Variants in RIMKLB observed in about 807,000 individuals in gnomAD.
The protein encoded by RIMKLB is beta-citrylglutamate synthase B.
RIMKLB carries 7 observed loss-of-function variants against 32.0 expected under a neutral mutation model. That is an observed-to-expected ratio of 0.22 (90% CI 0.12 to 0.41). The LOEUF is 0.41. Ranked by LOEUF, RIMKLB falls within the 10% of genes least tolerant of loss-of-function variation. The pLI, the probability that RIMKLB is intolerant of heterozygous loss-of-function variation, is 1.00. For missense variants in RIMKLB, 289 were observed against 498.7 expected (o/e 0.58, Z 4.00); for synonymous variants, 172 against 185.1 (o/e 0.93, Z 0.57).
chr12:8,702,530 G>A (rs1293563817), intron 1 of RIMKLB, among the ~76,000 whole-genome samples: 2 of 151,948 alleles, frequency 1.3e-5, no homozygotes, highest in Admixed American at 6.6e-5. Context: ...TTGGCTTCAC[G>A]TTCCTATAAA....
intron 5 of RIMKLB, among the ~76,000 whole-genome samples, chr12:8,764,432 AG>A (rs1292999700): frequency 6.6e-6 from 1 of 152,198 alleles, no homozygotes; most frequent in African/African-American, 2.4e-5. Flanking sequence ...TAATTAGAAA[AG>A]CATGTGAAAA....
At chr12:8,702,643 A>G (rs1055299506) in intron 1 of RIMKLB, among the ~76,000 whole-genome samples, 2 of 152,220 alleles carry the variant, frequency 1.3e-5, no homozygotes, top group South Asian at 2.1e-4. Flanking sequence ...TGAATTTTTC[A>G]TACTTTATCA....
intron 2 of RIMKLB, among the ~76,000 whole-genome samples, chr12:8,745,480 C>T (rs1229281867): frequency 2.0e-5 from 3 of 151,626 alleles, no homozygotes; most frequent in Non-Finnish European, 4.4e-5. Flanking sequence ...CCGCAACCTC[C>T]GCCTCCCTGG....
intron 2 of RIMKLB, among the ~76,000 whole-genome samples, chr12:8,730,955 G>T (rs2137285159): frequency 6.6e-6 from 1 of 152,142 alleles, no homozygotes; most frequent in African/African-American, 2.4e-5. Context: ...GGCCAGGCTG[G>T]TCTTGAACTC....
downstream of RIMKLB, among the ~76,000 whole-genome samples, chr12:8,781,969 A>G (rs952407528): frequency 1.3e-5 from 2 of 151,798 alleles, no homozygotes; most frequent in Non-Finnish European, 2.9e-5. Flanking sequence ...GATCAGTTGG[A>G]CAGAAATGAA....
intron 2 of RIMKLB, among the ~76,000 whole-genome samples, chr12:8,726,474 T>C (rs997298296): frequency 6.6e-6 from 1 of 152,204 alleles, no homozygotes; most frequent in Non-Finnish European, 1.5e-5. Flanking sequence ...TTTGCACATA[T>C]TTTCTCCCAG....
chr12:8,781,766 C>A (rs187806807), downstream of RIMKLB, among the ~76,000 whole-genome samples: 17 of 149,808 alleles, frequency 1.1e-4, no homozygotes, highest in Admixed American at 9.9e-4. Context: ...CATTTGCATT[C>A]TTCATTAGAA....
chr12:8,751,807 C>T, intron 3 of RIMKLB, 150 bp from the exon 4 acceptor site: 2 of 593,360 alleles, frequency 3.4e-6, no homozygotes, highest in Non-Finnish European at 6.1e-6. Context: ...ATATTTTCAA[C>T]TTACACATAC....
chr12:8,748,209 G>T (rs1379004074), intron 2 of RIMKLB, among the ~76,000 whole-genome samples: 1 of 152,130 alleles, frequency 6.6e-6, no homozygotes, highest in Non-Finnish European at 1.5e-5. Context: ...AACTATAGTA[G>T]TCTTCCCTAG....
chr12:8,705,193 T>G (rs1320347491), intron 1 of RIMKLB, among the ~76,000 whole-genome samples: 1 of 151,904 alleles, frequency 6.6e-6, no homozygotes, highest in Non-Finnish European at 1.5e-5. Context: ...AAGAGTAAAG[T>G]GGGCCAGGCA....
chr12:8,735,809 C>T lies in RIMKLB; in HGVS notation c.176-14053C>T, dbSNP rs762115283. 3.3e-5 allele frequency among the ~76,000 whole-genome samples: 5 copies of T among 152,108 alleles called. No homozygotes were observed. In the South Asian group the frequency reaches 1.0e-3, roughly 32 times the overall value. ...GCAATGGCGGGATCCCGGCTCACTG[C>T]AACCCCTGCCTCCCAGGTTCAAGGA... On this transcript the variant is annotated intron_variant, in intron 2 of 5. Transcript: ENST00000535829.
intron 1 of RIMKLB, among the ~76,000 whole-genome samples, chr12:8,708,732 T>C (rs961261043): frequency 9.2e-5 from 14 of 152,224 alleles, no homozygotes; most frequent in African/African-American, 3.4e-4. Flanking sequence ...GTGAAACAAA[T>C]GTCTGCTTAT....
At chr12:8,701,403 AT>A (rs751781198) in intron 1 of RIMKLB, among the ~76,000 whole-genome samples, 4 of 151,810 alleles carry the variant, frequency 2.6e-5, no homozygotes, top group Admixed American at 2.6e-4. Context: ...CCATGGTGTT[AT>A]TTTTAATGTT....
chr12:8,728,299 T>G (rs1946223193), intron 2 of RIMKLB, among the ~76,000 whole-genome samples: 1 of 152,194 alleles, frequency 6.6e-6, no homozygotes, highest in African/African-American at 2.4e-5. Flanking sequence ...TAACTTGTAT[T>G]TTTTGGTTGA....
chr12:8,773,107 T>C (rs1018979779), intron 5 of RIMKLB, among the ~76,000 whole-genome samples: 1 of 151,822 alleles, frequency 6.6e-6, no homozygotes, highest in African/African-American at 2.4e-5. Flanking sequence ...GAAAAAATAT[T>C]GACAACTTAC....
intron 2 of RIMKLB, among the ~76,000 whole-genome samples, chr12:8,744,022 C>T (rs1358240343): frequency 6.6e-6 from 1 of 151,860 alleles, no homozygotes; most frequent in African/African-American, 2.4e-5. Flanking sequence ...AGAGTGGAAT[C>T]GTGGGTAAAG....
intron 2 of RIMKLB, chr12:8,714,304 G>C: frequency 3.2e-6 from 1 of 308,312 alleles, no homozygotes; most frequent in South Asian, 5.1e-5. Flanking sequence ...TGTAGTTCCA[G>C]AGGCTAAGGT....
At chr12:8,772,145 A>T (rs1950459659) in intron 5 of RIMKLB, among the ~76,000 whole-genome samples, 1 of 152,154 alleles carries the variant, frequency 6.6e-6, no homozygotes, top group African/African-American at 2.4e-5. Flanking sequence ...TCAGCCTCCC[A>T]AAGTGTTGGG....
At chr12:8,770,495 C>T (rs1950318354) in intron 5 of RIMKLB, among the ~76,000 whole-genome samples, 1 of 152,150 alleles carries the variant, frequency 6.6e-6, no homozygotes, top group African/African-American at 2.4e-5. Flanking sequence ...TTGCAAAGTA[C>T]TCACCATGGT....
Sources: gnomAD v4.1 joint callset for allele counts (sites outside exome capture counted in the v4.1 genomes callset) on GRCh38, gnomAD v4.1.1 for gene constraint, MANE v1.5 for transcripts, NCBI Gene and HGNC (gene_info 2026-07-23, HGNC 2026-07-21) for gene names.